Variants in NDST4 observed in about 807,000 individuals in gnomAD.
NDST4 encodes N-deacetylase and N-sulfotransferase 4, also known as N-heparan sulfate sulfotransferase 4.
In NDST4, 63 loss-of-function variants were observed where a neutral mutation model predicts 100.8. The ratio of observed to expected loss-of-function variants is 0.62; its 90% CI spans 0.51 to 0.77. The LOEUF (loss-of-function observed/expected upper bound fraction) is 0.77. NDST4 is among the 30% of genes least tolerant of loss of function. The pLI is 0.00. For synonymous variants in NDST4, 377 were observed against 361.8 expected (o/e 1.04, Z -0.48); for missense variants, 943 against 1,018.4 (o/e 0.93, Z 1.01).
At chr4:114,934,861 A>C (rs1196590140) in intron 6 of NDST4, among the ~76,000 whole-genome samples, 1 of 152,134 alleles carries the variant, frequency 6.6e-6, no homozygotes, top group Non-Finnish European at 1.5e-5. Flanking sequence ...TACTGTAAAA[A>C]TAAAAAAATT....
intron 2 of NDST4, among the ~76,000 whole-genome samples, chr4:115,038,873 G>C (rs1275426437): frequency 6.6e-6 from 1 of 152,122 alleles, no homozygotes; most frequent in African/African-American, 2.4e-5. Context: ...CTGTTCAGGA[G>C]GCTGAGTGTG....
chr4:114,926,166 GAA>G (rs578080692), intron 6 of NDST4, among the ~76,000 whole-genome samples: 29 of 152,176 alleles, frequency 1.9e-4, no homozygotes, highest in African/African-American at 7.0e-4. Flanking sequence ...GAACAGTGCA[GAA>G]AAATATCAAT....
At chr4:114,994,184 C>T (rs983928039) in intron 2 of NDST4, among the ~76,000 whole-genome samples, 21 of 151,886 alleles carry the variant, frequency 1.4e-4, no homozygotes, top group African/African-American at 4.6e-4. Context: ...AGTAACTGTT[C>T]TTACATTTAA....
chr4:115,011,461 C>T (rs1208339136), intron 2 of NDST4, among the ~76,000 whole-genome samples: 1 of 148,528 alleles, frequency 6.7e-6, no homozygotes, highest in Admixed American at 6.6e-5. Context: ...GAAGGCATCA[C>T]TATTTTTTTT....
intron 2 of NDST4, among the ~76,000 whole-genome samples, chr4:115,004,856 A>G (rs1000253010): frequency 2.0e-5 from 3 of 152,282 alleles, no homozygotes; most frequent in African/African-American, 7.2e-5. Flanking sequence ...AGCTTTTTCT[A>G]CCACAAAATT....
chr4:115,081,990 G>A lies in NDST4; in HGVS notation c.-246-4708C>T, dbSNP rs553381760. 4.0e-5 allele frequency among the ~76,000 whole-genome samples: 6 copies of A among 151,136 alleles called. No individual in the cohort carries two copies. In the East Asian group the frequency reaches 5.9e-4, roughly 15 times the overall value. Reference sequence around the variant, plus strand: ...CTTTCCATGTTCTAATAAATCTTTCGTTAAAAATTTGGAAGGAGAGATCTA... The same window carrying A: ...CTTTCCATGTTCTAATAAATCTTTCATTAAAAATTTGGAAGGAGAGATCTA... On this transcript the variant is annotated intron_variant, in intron 1 of 13. Coordinates refer to ENST00000264363, the MANE Select transcript of NDST4 (RefSeq NM_022569.3).
At chr4:115,003,925 G>T (rs570452273) in intron 2 of NDST4, among the ~76,000 whole-genome samples, 1 of 151,934 alleles carries the variant, frequency 6.6e-6, no homozygotes, top group Non-Finnish European at 1.5e-5. Context: ...AATGAGGTGC[G>T]CAGTGTTTAA....
chr4:114,893,213 A>G (rs529462987), intron 6 of NDST4, among the ~76,000 whole-genome samples: 6 of 152,290 alleles, frequency 3.9e-5, no homozygotes, highest in Middle Eastern at 3.4e-3. Flanking sequence ...ATACATGTGC[A>G]TGTGTCCTTA....
At chr4:114,981,282 A>G (rs1726766834) in intron 2 of NDST4, among the ~76,000 whole-genome samples, 1 of 152,000 alleles carries the variant, frequency 6.6e-6, no homozygotes, top group African/African-American at 2.4e-5. Flanking sequence ...AGCAGGAAAA[A>G]GAATGAGAGT....
At chr4:114,986,904 T>C (rs1382195033) in intron 2 of NDST4, among the ~76,000 whole-genome samples, 2 of 148,806 alleles carry the variant, frequency 1.3e-5, no homozygotes, top group Non-Finnish European at 3.0e-5. Flanking sequence ...TTTTGTCTTG[T>C]AAAAAGATAA....
chr4:115,086,165 T>C (rs578131), intron 1 of NDST4, among the ~76,000 whole-genome samples: 1 of 151,948 alleles, frequency 6.6e-6, no homozygotes, highest in Non-Finnish European at 1.5e-5. Flanking sequence ...AAATATCCAA[T>C]ATTGATTAAA....
chr4:114,877,893 A>C, intron 6 of NDST4, among the ~76,000 whole-genome samples: 1 of 152,108 alleles, frequency 6.6e-6, no homozygotes, highest in South Asian at 2.1e-4. Flanking sequence ...CAGAGTTTGC[A>C]GTGAGCTGAG....
chr4:114,950,579 C>T (rs943617790), intron 4 of NDST4, among the ~76,000 whole-genome samples: 7 of 152,188 alleles, frequency 4.6e-5, no homozygotes, highest in Admixed American at 3.3e-4. Context: ...CAACCACACA[C>T]TAACAGACTG....
chr4:114,944,823 G>C (rs1725825344), intron 4 of NDST4, among the ~76,000 whole-genome samples: 1 of 152,138 alleles, frequency 6.6e-6, no homozygotes, highest in Non-Finnish European at 1.5e-5. Flanking sequence ...TAGAAGAAAC[G>C]ATAGGTGAGC....
At position 114,970,475 on chromosome 4, in the gene NDST4, C is replaced by T. The variant is rs1238917422; in HGVS notation, c.1176G>A (p.Glu392=). The part of the protein sequence containing the change: ...SHMQPHLFHN[E]SSLVEQMILN... ...GAATCATCTGCTCTACTAAAGATGA[C>T]TCGTTGTGGAAGAGGTGGGGCTGCA... Residue 392 remains glutamate (E), a synonymous_variant, in exon 4 of 14, where the codon GAG becomes GAA. Coordinates refer to ENST00000264363, the MANE Select transcript of NDST4 (RefSeq NM_022569.3). The T allele has an allele frequency of 6.2e-7, 1 of 1,613,894 alleles. No individual in the cohort carries two copies. Among genetic ancestry groups the T allele is most frequent in the African/African-American group, 1.3e-5 (1 of 74,924 alleles).
intron 2 of NDST4, among the ~76,000 whole-genome samples, chr4:115,023,550 G>A (rs1220957994): frequency 6.6e-6 from 1 of 150,898 alleles, no homozygotes; most frequent in Non-Finnish European, 1.5e-5. Context: ...AATAACCTAT[G>A]GAAATAAAAA....
chr4:115,000,356 C>A lies in NDST4; in HGVS notation c.979-23082G>T, dbSNP rs112916590. 6.5e-3 allele frequency among the ~76,000 whole-genome samples: 987 copies of A among 151,484 alleles called. 14 individuals carry two copies. The highest frequency in any genetic ancestry group is 0.022 in the African/African-American group (926 of 41,294). On this transcript the variant is annotated intron_variant, in intron 2 of 13. Coordinates refer to ENST00000264363, the MANE Select transcript of NDST4 (RefSeq NM_022569.3). ...ACCTTTCATTTTTTTTTATTTTTTG[C>A]CTCATGAGAATATCTACATCTTAGA...
chr4:114,828,279 T>G (rs1723124328), intron 13 of NDST4, among the ~76,000 whole-genome samples: 2 of 152,108 alleles, frequency 1.3e-5, no homozygotes, highest in South Asian at 4.1e-4. Flanking sequence ...GAATGAAATT[T>G]ATGGAGGTAA....
intron 1 of NDST4, among the ~76,000 whole-genome samples, chr4:115,108,169 G>A (rs1729871077): frequency 6.6e-6 from 1 of 152,070 alleles, no homozygotes; most frequent in Admixed American, 6.6e-5. Flanking sequence ...AATTAGGACT[G>A]TTATATGCAT....
Sources: allele counts gnomAD v4.1 joint callset (sites outside exome capture counted in the v4.1 genomes callset), GRCh38; gene constraint gnomAD v4.1.1; transcripts MANE v1.5; gene names NCBI Gene and HGNC (gene_info 2026-07-23, HGNC 2026-07-21).